CREB5: variants seen among roughly 807,000 people sequenced by gnomAD.
CREB5 encodes the protein cAMP responsive element binding protein 5, also known as cyclic AMP-responsive element-binding protein 5.
CREB5 carries 19 observed loss-of-function variants against 57.1 expected under a neutral mutation model. That is an observed-to-expected ratio of 0.33 (90% confidence interval 0.23 to 0.49). CREB5 has a LOEUF of 0.49. CREB5 is among the 20% of genes least tolerant of loss of function. The probability of loss-of-function intolerance (pLI) is 0.99; values close to 1 mark genes in which losing one functional copy is unlikely to be tolerated. For missense variants in CREB5, 579 were observed against 671.6 expected (o/e 0.86, Z 1.52); for synonymous variants, 238 against 238.3 (o/e 1.00, Z 0.01).
At chr7:28,623,131 C>T (rs1797867116) in intron 5 of CREB5, among the ~76,000 whole-genome samples, 1 of 152,150 alleles carries the variant, frequency 6.6e-6, no homozygotes, top group Non-Finnish European at 1.5e-5. Flanking sequence ...GATCCAGCTG[C>T]CTCAGCCTCC....
intron 1 of CREB5, among the ~76,000 whole-genome samples, chr7:28,397,218 C>T (rs1787356140): frequency 6.6e-6 from 1 of 152,208 alleles, no homozygotes; most frequent in Admixed American, 6.5e-5. Flanking sequence ...GGATGTGTGA[C>T]ATCCATCATT....
chr7:28,791,417 A>G (rs1374606914), intron 7 of CREB5, among the ~76,000 whole-genome samples: 3 of 152,038 alleles, frequency 2.0e-5, no homozygotes, highest in Non-Finnish European at 2.9e-5. Context: ...ATCATCTACC[A>G]TCTTTCTTTT....
At chr7:28,686,465 G>T (rs1226926463) in intron 5 of CREB5, among the ~76,000 whole-genome samples, 1 of 146,684 alleles carries the variant, frequency 6.8e-6, no homozygotes, top group East Asian at 2.3e-4. Flanking sequence ...ACAGAGGCCG[G>T]GTTGGAGGAA....
chr7:28,360,971 A>G (rs546789798), intron 1 of CREB5, among the ~76,000 whole-genome samples: 1 of 152,080 alleles, frequency 6.6e-6, no homozygotes, highest in Non-Finnish European at 1.5e-5. Flanking sequence ...GCAGGGTGCT[A>G]CCAGCATCTA....
chr7:28,422,652 G>A (rs189268535), intron 1 of CREB5, among the ~76,000 whole-genome samples: 10 of 152,192 alleles, frequency 6.6e-5, no homozygotes, highest in South Asian at 2.1e-4. Context: ...AAATTGCTGC[G>A]GTTGAATGAA....
At chr7:28,462,105 A>C (rs177588) in intron 1 of CREB5, among the ~76,000 whole-genome samples, 1 of 151,758 alleles carries the variant, frequency 6.6e-6, no homozygotes, top group Non-Finnish European at 1.5e-5. Context: ...GTAACCATTA[A>C]TCTACTTTCT....
intron 1 of CREB5, among the ~76,000 whole-genome samples, chr7:28,474,069 G>A (rs994623325): frequency 2.0e-5 from 3 of 152,162 alleles, no homozygotes; most frequent in East Asian, 1.9e-4. Context: ...TGCTGATACC[G>A]AGCAAATTCT....
chr7:28,476,316 C>G (rs1791066947), intron 1 of CREB5, among the ~76,000 whole-genome samples: 1 of 152,222 alleles, frequency 6.6e-6, no homozygotes, highest in Non-Finnish European at 1.5e-5. Flanking sequence ...TCTTCAATCT[C>G]TCGACATATG....
At chr7:28,791,564 A>G (rs1328064143) in intron 7 of CREB5, among the ~76,000 whole-genome samples, 1 of 152,212 alleles carries the variant, frequency 6.6e-6, no homozygotes, top group Non-Finnish European at 1.5e-5. Context: ...AAAGGTAGGG[A>G]ATAATTTTTG....
chr7:28,508,882 T>C (rs1298692991), intron 4 of CREB5, among the ~76,000 whole-genome samples: 1 of 152,208 alleles, frequency 6.6e-6, no homozygotes, highest in Non-Finnish European at 1.5e-5. Context: ...ATAGCAACTA[T>C]TATTTGCCAG....
intron 7 of CREB5, among the ~76,000 whole-genome samples, chr7:28,745,982 C>T (rs993892435): frequency 2.0e-5 from 3 of 152,186 alleles, no homozygotes; most frequent in Non-Finnish European, 2.9e-5. Context: ...CAGATCAATG[C>T]TTCTACTCAC....
At chr7:28,609,006 G>A (rs1797286672) in intron 5 of CREB5, 1 of 152,190 alleles carries the variant, frequency 6.6e-6, no homozygotes, top group Non-Finnish European at 1.5e-5. Context: ...TATATCTGTA[G>A]TTGTAATAAG....
In CREB5 at chr7:28,804,388, G is replaced by T. The variant is rs760451674; in HGVS notation, c.892G>T (p.Ala298Ser). ...TTACCCACACCAGCACCAGCACCCA[G>T]CACACCATCCTCACCCTCAACCCCA... ...HPYPHQHQHP[A>S]HHPHPQPHHQ... The change falls in exon 8 of 11, where the codon GCA becomes TCA. Residue 298 changes from alanine (A) to serine (S), a missense_variant. By Grantham distance (99) the Ala-to-Ser change is moderately conservative (BLOSUM62 1). Coordinates refer to ENST00000357727, the MANE Select transcript of CREB5 (RefSeq NM_182898.4). 16 of 1,613,336 alleles carry T rather than the reference G, an allele frequency of 9.9e-6. No individual in the cohort carries two copies. In the Admixed American group the frequency reaches 2.7e-4, roughly 27 times the overall value.
rs187730555 is a variant in CREB5, at chr7:28,388,603, G to C, written c.-25+89162G>C. Among the ~76,000 whole-genome samples the C allele has an allele frequency of 2.6e-3, 399 of 152,258 alleles. 8 individuals are homozygous for C. Among genetic ancestry groups the C allele is most frequent in the Admixed American group, 5.8e-3 (89 of 15,280 alleles). On this transcript the variant is annotated intron_variant, in intron 1 of 9. Coordinates refer to the CREB5 transcript ENST00000396299. The stretch of plus-strand genomic sequence containing the variant: ...AGCATTTCTAGGTACCTAGTTCCAA[G>C]TATTTCTCCAGACAGAAGCTTTTCA...
chr7:28,777,246 A>T (rs568829893), intron 7 of CREB5, among the ~76,000 whole-genome samples: 1 of 152,334 alleles, frequency 6.6e-6, no homozygotes, highest in African/African-American at 2.4e-5. Context: ...GAACCTTAAA[A>T]CAATGTCCGA....
At chr7:28,399,215 G>A (rs942783002) in intron 1 of CREB5, among the ~76,000 whole-genome samples, 1 of 151,446 alleles carries the variant, frequency 6.6e-6, no homozygotes, top group African/African-American at 2.4e-5. Context: ...TGACTATATC[G>A]AAATTTAAAA....
intron 7 of CREB5, among the ~76,000 whole-genome samples, chr7:28,750,391 T>C (rs1804913769): frequency 6.6e-6 from 1 of 152,190 alleles, no homozygotes; most frequent in Non-Finnish European, 1.5e-5. Context: ...ATCTTGCTTG[T>C]TTTTGAGCTT....
intron 7 of CREB5, chr7:28,726,701 A>T (rs1242146163): frequency 6.6e-6 from 1 of 152,168 alleles, no homozygotes; most frequent in Non-Finnish European, 1.5e-5. Context: ...AAGGTCACAC[A>T]TGGACTATTG....
At chr7:28,414,251 C>T (rs545661518) in intron 1 of CREB5, among the ~76,000 whole-genome samples, 77 of 150,144 alleles carry the variant, frequency 5.1e-4, no homozygotes, top group Non-Finnish European at 9.3e-4. Flanking sequence ...GCTTCTTTTG[C>T]TTCTTACAAA....
Sources: gnomAD v4.1 joint callset for allele counts (sites outside exome capture counted in the v4.1 genomes callset) on GRCh38, gnomAD v4.1.1 for gene constraint, MANE v1.5 for transcripts, NCBI Gene and HGNC (gene_info 2026-07-23, HGNC 2026-07-21) for gene names.